Variants in GNA14 observed in about 807,000 individuals in gnomAD.
GNA14 encodes guanine nucleotide-binding protein subunit alpha-14.
In GNA14, 50 loss-of-function variants were observed where a neutral mutation model predicts 42.0. That is an observed-to-expected ratio of 1.19 (90% CI 0.95 to 1.51). The LOEUF (loss-of-function observed/expected upper bound fraction) is 1.51. Ranked by LOEUF, GNA14 falls within the 40% of genes most tolerant of loss-of-function variation. GNA14 has a pLI of 0.00. For synonymous variants in GNA14, 173 were observed against 163.1 expected, an observed-to-expected ratio of 1.06 and a Z score of -0.46; for missense variants, 473 against 446.2, an observed-to-expected ratio of 1.06 and a Z score of -0.54.
Position 77,644,437 on chromosome 9 carries a change from C to CCAAAAAAAAAAAAAAAAAAAAA in GNA14, c.124+3232_124+3233insTTTTTTTTTTTTTTTTTTTTTG, listed in dbSNP as rs778013639. On this transcript the variant is annotated intron_variant, in intron 1 of 6. Coordinates refer to ENST00000341700, the MANE Select transcript of GNA14 (RefSeq NM_004297.4). ...TACTGAACTCCAACCTAAAGAGTGT[C>CCAAAAAAAAAAAAAAAAAAAAA]AAAAAAAAAAAAAAAAAAAAAAAAA... Among the ~76,000 whole-genome samples the CCAAAAAAAAAAAAAAAAAAAAA allele has an allele frequency of 3.5e-4, 12 of 34,022 alleles. 1 individual carries two copies. The highest frequency in any genetic ancestry group is 1.2e-3 in the African/African-American group (10 of 8,580). 22.3% of individuals were successfully genotyped at this position (34,022 alleles called of 152,430 possible).
chr9:77,514,572 AAAG>A (rs145210512), intron 2 of GNA14, among the ~76,000 whole-genome samples: 2,215 of 151,992 alleles, frequency 0.015, 60 homozygotes, highest in African/African-American at 0.05. Context: ...GTGGGTGGAA[AAAG>A]AAGGTGTCAA....
chr9:77,631,467 TAAAAAAAAAAA>T (rs59294268), intron 1 of GNA14, among the ~76,000 whole-genome samples: 1 of 123,412 alleles, frequency 8.1e-6, no homozygotes, highest in East Asian at 2.4e-4. Context: ...ACTTTTTATG[TAAAAAAAAAAA>T]AAAAAAAAAA....
intron 2 of GNA14, among the ~76,000 whole-genome samples, chr9:77,502,025 ATCTG>A (rs367656712): frequency 5.9e-4 from 89 of 152,072 alleles, no homozygotes; most frequent in African/African-American, 2.0e-3. Flanking sequence ...ATAATTTCTA[ATCTG>A]TCTTCCAGCT....
At chr9:77,479,844 C>G (rs1317043040) in intron 2 of GNA14, among the ~76,000 whole-genome samples, 2 of 151,898 alleles carry the variant, frequency 1.3e-5, no homozygotes, top group Non-Finnish European at 2.9e-5. Flanking sequence ...TGATTTGGCT[C>G]TCTGTTTGTC....
intron 1 of GNA14, among the ~76,000 whole-genome samples, chr9:77,567,201 T>C (rs1368391597): frequency 6.6e-6 from 1 of 152,250 alleles, no homozygotes; most frequent in Non-Finnish European, 1.5e-5. Context: ...ATTTACATTT[T>C]ACCTAGTCTT....
intron 2 of GNA14, among the ~76,000 whole-genome samples, chr9:77,494,254 T>C (rs570510956): frequency 4.0e-4 from 61 of 152,340 alleles, no homozygotes; most frequent in African/African-American, 1.1e-3. Context: ...TTCTGTTCCA[T>C]ATTTTCTCCA....
chr9:77,461,778 C>T (rs540234511), intron 2 of GNA14, among the ~76,000 whole-genome samples: 39 of 152,072 alleles, frequency 2.6e-4, no homozygotes, highest in Admixed American at 3.9e-4. Flanking sequence ...CCCAGCAAAC[C>T]GTCTTTCCCT....
chr9:77,621,811 G>A (rs1042206079), intron 1 of GNA14, among the ~76,000 whole-genome samples: 3 of 152,310 alleles, frequency 2.0e-5, no homozygotes, highest in South Asian at 2.1e-4. Flanking sequence ...CAAAGAAGCC[G>A]CATTTAAACA....
chr9:77,496,686 G>A (rs1490466424), intron 2 of GNA14, among the ~76,000 whole-genome samples: 3 of 152,308 alleles, frequency 2.0e-5, no homozygotes, highest in African/African-American at 7.2e-5. Flanking sequence ...GAGAATCAGA[G>A]ATGTCTGCAT....
intron 1 of GNA14, among the ~76,000 whole-genome samples, chr9:77,623,851 A>G (rs1330202029): frequency 2.6e-5 from 4 of 152,212 alleles, no homozygotes; most frequent in Non-Finnish European, 4.4e-5. Context: ...CTGTTTGGGC[A>G]GACACTGAGC....
chr9:77,436,730 A>T (rs1467484175), intron 2 of GNA14, among the ~76,000 whole-genome samples: 6 of 152,194 alleles, frequency 3.9e-5, no homozygotes, highest in Non-Finnish European at 8.8e-5. Context: ...AGGAAATGTC[A>T]TGAGGGCAGA....
intron 2 of GNA14, among the ~76,000 whole-genome samples, chr9:77,493,046 T>TATATA (rs1564030867): frequency 7.3e-6 from 1 of 136,590 alleles, no homozygotes; most frequent in African/African-American, 2.8e-5. Context: ...TATATATATA[T>TATATA]TTGGGAGATG....
chr9:77,448,486 G>A (rs1279032647), intron 2 of GNA14, among the ~76,000 whole-genome samples: 1 of 152,208 alleles, frequency 6.6e-6, no homozygotes, highest in East Asian at 1.9e-4. Flanking sequence ...CATTTAGCAG[G>A]CCAGGCTAAG....
At chr9:77,618,605 TA>T (rs1564067800) in intron 1 of GNA14, among the ~76,000 whole-genome samples, 157 of 13,402 alleles carry the variant, frequency 0.012, 7 homozygotes, top group African/African-American at 0.035. Flanking sequence ...TATATATATA[TA>T]TATATATATA....
intron 5 of GNA14, among the ~76,000 whole-genome samples, chr9:77,428,637 G>A (rs540736489): frequency 8.5e-5 from 13 of 152,244 alleles, no homozygotes; most frequent in South Asian, 6.2e-4. Context: ...TTCCAGGCCC[G>A]TGATTCTCAG....
chr9:77,594,597 A>C (rs1474328578), intron 1 of GNA14, among the ~76,000 whole-genome samples: 1 of 152,154 alleles, frequency 6.6e-6, no homozygotes, highest in African/African-American at 2.4e-5. Flanking sequence ...CCTTTTTCCT[A>C]GTCTCTCTCC....
chr9:77,628,893 CA>C, intron 1 of GNA14, among the ~76,000 whole-genome samples: 1 of 152,250 alleles, frequency 6.6e-6, no homozygotes, highest in African/African-American at 2.4e-5. Context: ...CAAATGGGAT[CA>C]AATTAAACTA....
chr9:77,502,248 C>T (rs1413945824), intron 2 of GNA14, among the ~76,000 whole-genome samples: 1 of 152,122 alleles, frequency 6.6e-6, no homozygotes. Flanking sequence ...CTTTGTCAGA[C>T]AATACTAACA....
At chr9:77,566,179 G>C (rs1278446672) in intron 1 of GNA14, among the ~76,000 whole-genome samples, 2 of 136,978 alleles carry the variant, frequency 1.5e-5, no homozygotes, top group Admixed American at 1.5e-4. Flanking sequence ...TTCTGAGACA[G>C]GGTCTCACTC....
Sources: allele counts gnomAD v4.1 joint callset (sites outside exome capture counted in the v4.1 genomes callset), GRCh38; gene constraint gnomAD v4.1.1; transcripts MANE v1.5; gene names NCBI Gene and HGNC (gene_info 2026-07-23, HGNC 2026-07-21).